Variants in NAT10 observed in about 807,000 individuals in gnomAD.
NAT10 encodes the protein N-acetyltransferase 10.
In NAT10, 109 loss-of-function variants were observed where a neutral mutation model predicts 132.2. The ratio of observed to expected loss-of-function variants is 0.82; its 90% confidence interval spans 0.71 to 0.97. NAT10 has a LOEUF of 0.97. Among genes scored for constraint, NAT10 ranks in the 50% least tolerant of loss-of-function variants. The pLI is 0.00. For missense variants in NAT10, 1,184 were observed against 1,263.4 expected, an observed-to-expected ratio of 0.94 and a Z score of 0.95; for synonymous variants, 479 against 478.0, an observed-to-expected ratio of 1.00 and a Z score of -0.03.
chr11:34,139,194 G>GT lies in NAT10; in HGVS notation c.2215_2216insT (p.Asp739ValfsTer16), dbSNP rs769139856. ...GTTAAACCTCTGTGTTGCCCAGAAT[G>GT]ACCTGACCGGAGAGCACTCGTGCAT... On this transcript the variant is annotated frameshift_variant, in exon 22 of 29. Coordinates refer to ENST00000257829, the MANE Select transcript of NAT10 (RefSeq NM_024662.3). LOFTEE classifies it high-confidence loss of function. The GT allele has an allele frequency of 6.2e-7, 1 of 1,613,712 alleles. No individual in the cohort carries two copies. Among genetic ancestry groups the GT allele is most frequent in the Admixed American group, 1.7e-5 (1 of 60,014 alleles).
chr11:34,131,861 T>C (rs1852112347), intron 14 of NAT10, among the ~76,000 whole-genome samples: 1 of 151,984 alleles, frequency 6.6e-6, no homozygotes, highest in Non-Finnish European at 1.5e-5. Flanking sequence ...AATTTTTGTA[T>C]TTTTAGTAGA....
chr11:34,120,646 G>A (rs929014247), intron 8 of NAT10, among the ~76,000 whole-genome samples: 1 of 152,214 alleles, frequency 6.6e-6, no homozygotes, highest in Non-Finnish European at 1.5e-5. Flanking sequence ...GCTCCTGTAG[G>A]CACTGGGGGC....
At chr11:34,110,108 T>C (rs547458113) in intron 3 of NAT10, among the ~76,000 whole-genome samples, 27 of 152,264 alleles carry the variant, frequency 1.8e-4, no homozygotes, top group African/African-American at 6.3e-4. Context: ...ATAGTCTCCT[T>C]TTTTGGCTTC....
intron 27 of NAT10, 54 bp from the exon 28 acceptor site, chr11:34,143,391 A>T: frequency 2.8e-6 from 4 of 1,452,816 alleles, no homozygotes; most frequent in Non-Finnish European, 3.8e-6. Context: ...ATTTTCTCTT[A>T]AGCAGTCCCC....
intron 8 of NAT10, among the ~76,000 whole-genome samples, 156 bp downstream of exon 8, chr11:34,118,659 G>A (rs190584068): frequency 6.6e-6 from 1 of 152,232 alleles, no homozygotes; most frequent in Admixed American, 6.5e-5. Context: ...GCAACAGTAG[G>A]GCTATTTCAT....
At chr11:34,110,968 ATATTTAGAGAGG>A (rs1201375742) in intron 3 of NAT10, among the ~76,000 whole-genome samples, 15 of 152,200 alleles carry the variant, frequency 9.9e-5, no homozygotes, top group Non-Finnish European at 1.8e-4. Flanking sequence ...ATATACTCTC[ATATTTAGAGAGG>A]TAGGCATTTT....
rs750053373 is a variant in NAT10, at chr11:34,136,717, C to A, written c.2104C>A (p.Pro702Thr). The A allele has an allele frequency of 1.6e-5, 26 of 1,614,048 alleles. No individual in the cohort carries two copies. Among genetic ancestry groups the A allele is most frequent in the Non-Finnish European group, 2.0e-5 (24 of 1,180,040 alleles). ...TTTACTCCTCAAATTGAATGAGAGGCCTGCCGAACGCCTGGATTACCTGGG... is the reference window on the plus strand; with the variant it reads ...TTTACTCCTCAAATTGAATGAGAGGACTGCCGAACGCCTGGATTACCTGGG... ...PPLLLKLNERPAERLDYLGVS... is the reference protein window; with the variant it reads ...PPLLLKLNERTAERLDYLGVS... Residue 702 changes from proline (P) to threonine (T), a missense_variant, in exon 20 of 29, where the codon CCT becomes ACT. By Grantham distance (38) the Pro-to-Thr change is conservative. Transcript: ENST00000257829.
At position 34,133,928 on chromosome 11, in the gene NAT10, G is replaced by A. The variant is rs546694716; in HGVS notation, c.1735-391G>A. Among the ~76,000 whole-genome samples the A allele has an allele frequency of 1.2e-3, 185 of 151,728 alleles. 1 individual carries two copies. The highest frequency in any genetic ancestry group is 4.2e-3 in the African/African-American group (175 of 41,344). ...AGCACTTTGGGAGGCCGAGGCGGGC[G>A]GATCACAAGGTCAGAAGATCAAGAC... On this transcript the variant is annotated intron_variant, in intron 16 of 28. Transcript: ENST00000257829.
At chr11:34,108,668 A>G (rs1851638139) in intron 2 of NAT10, 74 bp from the exon 3 acceptor site, 1 of 1,373,784 alleles carries the variant, frequency 7.3e-7, no homozygotes, top group African/African-American at 1.5e-5. Flanking sequence ...CACATCCGTC[A>G]AATGAGGTCT....
intron 27 of NAT10, 65 bp downstream of exon 27, chr11:34,142,413 T>C: frequency 7.1e-7 from 1 of 1,407,216 alleles, no homozygotes; most frequent in Non-Finnish European, 1.0e-6. Flanking sequence ...TGCCTACACG[T>C]TTCTTCTAAT....
chr11:34,115,102 G>A (rs1851761634), intron 5 of NAT10, among the ~76,000 whole-genome samples: 1 of 152,222 alleles, frequency 6.6e-6, no homozygotes, highest in African/African-American at 2.4e-5. Context: ...GTTGCGGTGA[G>A]CTGAGGTCAC....
intron 26 of NAT10, 111 bp from the exon 27 acceptor site, chr11:34,142,164 A>T: frequency 9.9e-7 from 1 of 1,014,852 alleles, no homozygotes; most frequent in South Asian, 1.4e-5. Flanking sequence ...TAGATGGAAG[A>T]GAAGGAAATG....
chr11:34,112,517 G>A (rs1008429717), intron 4 of NAT10, among the ~76,000 whole-genome samples: 5 of 152,282 alleles, frequency 3.3e-5, no homozygotes, highest in African/African-American at 9.6e-5. Flanking sequence ...CAGAGACTTT[G>A]AGTGCCTCTA....
intron 11 of NAT10, among the ~76,000 whole-genome samples, chr11:34,126,658 G>C (rs1383036750): frequency 6.6e-6 from 1 of 152,152 alleles, no homozygotes; most frequent in Non-Finnish European, 1.5e-5. Context: ...TGTTTTAACA[G>C]CTATTTAAGT....
In NAT10 at chr11:34,139,241, T is replaced by A. The variant is rs370581619; in HGVS notation, c.2262T>A (p.Asp754Glu). Reference sequence around the variant, plus strand: ...GCATCATGCTGAAGACGCTCACTGATGAGGATGAGGCTGACCAGGGAGGCT... The same window carrying A: ...GCATCATGCTGAAGACGCTCACTGAAGAGGATGAGGCTGACCAGGGAGGCT... ...HSCIMLKTLT[D>E]EDEADQGGWL... is the part of the protein sequence containing the mutation. Residue 754 changes from aspartate to glutamate, a missense_variant, in exon 22 of 29, where the codon GAT (aspartate) becomes GAA (glutamate). Physicochemically the swap from Asp to Glu is conservative, Grantham distance 45. Coordinates refer to ENST00000257829, the MANE Select transcript of NAT10 (RefSeq NM_024662.3). 5.9e-5 allele frequency: 96 copies of A among 1,613,510 alleles called. No individual in the cohort carries two copies. The highest frequency in any genetic ancestry group is 8.1e-5 in the Non-Finnish European group (95 of 1,179,928).
chr11:34,123,844 C>T lies in NAT10; in HGVS notation c.997C>T (p.Leu333=). ...ATTTGTATTTAAAGGATTTGATGCTCTGCAATATCAGGTAGGAAATTTGGA... is the reference window on the plus strand; with the variant it reads ...ATTTGTATTTAAAGGATTTGATGCTTTGCAATATCAGGTAGGAAATTTGGA... ...FEFVFKGFDA[L]QYQEHLDYEI... is the part of the protein sequence containing the mutation. The change falls in exon 10 of 29, where the codon CTG becomes TTG. Residue 333 remains leucine (L), a synonymous_variant. Coordinates refer to ENST00000257829, the MANE Select transcript of NAT10 (RefSeq NM_024662.3). 1 of 1,607,134 alleles carries T rather than the reference C, an allele frequency of 6.2e-7. No homozygotes were observed. The highest frequency in any genetic ancestry group is 8.5e-7 in the Non-Finnish European group (1 of 1,173,706).
At position 34,143,517 on chromosome 11, in the gene NAT10, C is replaced by G; in HGVS notation, c.2958C>G (p.Ile986Met). 1 of 1,613,936 alleles carries G rather than the reference C, an allele frequency of 6.2e-7. No individual in the cohort carries two copies. The highest frequency in any genetic ancestry group is 1.1e-5 in the South Asian group (1 of 91,002). The stretch of plus-strand genomic sequence containing the variant: ...AAGCTGGGCCGAACGCCTCGATCAT[C>G]AGCCTGAAAAGGTGAGGGCCCAGGG... Reference protein sequence around the residue: ...LNKAGPNASIISLKSDKKRKL... With the variant: ...LNKAGPNASIMSLKSDKKRKL... Residue 986 changes from isoleucine to methionine, a missense_variant, in exon 28 of 29, where the codon ATC (isoleucine) becomes ATG (methionine). Transcript: ENST00000257829.
In NAT10 at chr11:34,139,429, A is replaced by G; in HGVS notation, c.2353A>G (p.Thr785Ala). ...FLALLSYQFS[T>A]FSPSLALNII... ...AGCCTTGCTCTCCTACCAGTTCAGT[A>G]CCTTCTCTCCTTCCCTGGCTCTGAA... The change falls in exon 23 of 29, where the codon ACC becomes GCC. Residue 785 changes from threonine (T) to alanine (A), a missense_variant. Coordinates refer to ENST00000257829, the MANE Select transcript of NAT10 (RefSeq NM_024662.3). The G allele has an allele frequency of 2.5e-6, 4 of 1,614,082 alleles. No individual in the cohort carries two copies. The highest frequency in any genetic ancestry group is 1.7e-6 in the Non-Finnish European group (2 of 1,180,018).
chr11:34,140,613 G>T lies in NAT10; in HGVS notation c.2592+41G>T, dbSNP rs772569310. ...CTTGCGTGGAGGAGAAGCGAGGATT[G>T]TGGAGCTGTTCATTTGCTGGGTGTT... On this transcript the variant is annotated intron_variant, in intron 24 of 28. Coordinates refer to ENST00000257829, the MANE Select transcript of NAT10 (RefSeq NM_024662.3). 3.1e-6 allele frequency: 5 copies of T among 1,592,504 alleles called. No individual in the cohort carries two copies. The African/African-American group carries it at 6.7e-5, about 21-fold the overall frequency.
Sources: gnomAD v4.1 joint callset for allele counts (sites outside exome capture counted in the v4.1 genomes callset) on GRCh38, gnomAD v4.1.1 for gene constraint, MANE v1.5 for transcripts, NCBI Gene and HGNC (gene_info 2026-07-23, HGNC 2026-07-21) for gene names.